Variants in NLRP1 observed in about 807,000 individuals in gnomAD.
NLRP1 encodes NLR family pyrin domain containing 1, also known as NACHT, LRR and PYD domains-containing protein 1.
NLRP1 carries 94 observed loss-of-function variants against 136.7 expected under a neutral mutation model. The observed-to-expected ratio is 0.69, with a 90% confidence interval of 0.58 to 0.82. The LOEUF is 0.82. NLRP1 is among the 40% of genes least tolerant of loss of function. The pLI is 0.00. For missense variants in NLRP1, 1,575 were observed against 1,802.7 expected (o/e 0.87, Z 2.29); for synonymous variants, 690 against 725.1 (o/e 0.95, Z 0.78).
chr17:5,567,535 T>C (rs1915466156), intron 3 of NLRP1, among the ~76,000 whole-genome samples: 1 of 152,098 alleles, frequency 6.6e-6, no homozygotes, highest in African/African-American at 2.4e-5. Flanking sequence ...TCTTGAAAAG[T>C]TGTTGTAGTT....
intron 5 of NLRP1, among the ~76,000 whole-genome samples, chr17:5,549,438 C>T (rs1324234528): frequency 6.6e-6 from 1 of 152,080 alleles, no homozygotes; most frequent in Non-Finnish European, 1.5e-5. Context: ...GCCACCACGC[C>T]CGGCTAATAT....
chr17:5,543,566 T>A (rs1415330199), intron 5 of NLRP1, among the ~76,000 whole-genome samples: 1 of 151,890 alleles, frequency 6.6e-6, no homozygotes, highest in South Asian at 2.1e-4. Flanking sequence ...GGTCTCTGCA[T>A]TGCTTTAGAA....
chr17:5,538,837 G>A (rs1007998084), intron 7 of NLRP1, among the ~76,000 whole-genome samples: 8 of 152,114 alleles, frequency 5.3e-5, no homozygotes, highest in East Asian at 1.9e-4. Context: ...GATCATGCCC[G>A]ACTCTCTTCC....
chr17:5,547,266 C>T (rs1912797250), intron 5 of NLRP1, among the ~76,000 whole-genome samples: 2 of 151,948 alleles, frequency 1.3e-5, no homozygotes, highest in African/African-American at 4.8e-5. Flanking sequence ...CATACATAAC[C>T]CTAAATACAT....
chr17:5,556,197 C>A (rs1196223683), intron 4 of NLRP1, among the ~76,000 whole-genome samples: 1 of 151,554 alleles, frequency 6.6e-6, no homozygotes, highest in Admixed American at 6.6e-5. Context: ...CATCTGTGAT[C>A]CCAGCACTTT....
intron 12 of NLRP1, among the ~76,000 whole-genome samples, chr17:5,523,966 G>A (rs747534639): frequency 6.6e-6 from 1 of 152,102 alleles, no homozygotes; most frequent in African/African-American, 2.4e-5. Context: ...CTCTGTCACC[G>A]AGGCTGGAGT....
intron 5 of NLRP1, among the ~76,000 whole-genome samples, chr17:5,549,584 A>G (rs982571693): frequency 6.6e-6 from 1 of 152,158 alleles, no homozygotes; most frequent in African/African-American, 2.4e-5. Flanking sequence ...CCTGGCCCTA[A>G]TTTTAATATT....
intron 5 of NLRP1, among the ~76,000 whole-genome samples, chr17:5,545,491 GAC>G (rs535148508): frequency 7.0e-4 from 93 of 132,810 alleles, no homozygotes; most frequent in Non-Finnish European, 1.2e-3. Flanking sequence ...CACACACACA[GAC>G]ACACAGACAC....
intron 4 of NLRP1, among the ~76,000 whole-genome samples, chr17:5,555,193 T>A (rs1913897342): frequency 6.6e-6 from 1 of 152,186 alleles, no homozygotes; most frequent in Non-Finnish European, 1.5e-5. Context: ...GAAAAAAAAT[T>A]AAAAATTTAT....
intron 12 of NLRP1, 93 bp downstream of exon 12, chr17:5,530,388 C>T: frequency 1.6e-6 from 2 of 1,218,830 alleles, no homozygotes; most frequent in South Asian, 1.3e-5. Context: ...CTAAGGAAGC[C>T]ACAACACCCT....
At position 5,558,772 on chromosome 17, in the gene NLRP1, C is replaced by T; in HGVS notation, c.1924G>A (p.Gly642Arg). The change falls in exon 4 of 17, where the codon GGG (glycine) becomes AGG (arginine). Residue 642 changes from glycine to arginine, a missense_variant. Gly to Arg is a moderately radical substitution (Grantham distance 125). Transcript: ENST00000572272. The part of the protein sequence containing the change: ...AMSYVLEDEK[G>R]RGKHSNCIID... The stretch of plus-strand genomic sequence containing the variant: ...ATGCAATTAGAATGTTTACCTCTCC[C>T]CTTCTCATCCTCCAAGACATAGGAC... The T allele has an allele frequency of 6.2e-7, 1 of 1,614,118 alleles. No individual in the cohort carries two copies. Among genetic ancestry groups the T allele is most frequent in the Non-Finnish European group, 8.5e-7 (1 of 1,179,996 alleles).
intron 5 of NLRP1, among the ~76,000 whole-genome samples, chr17:5,546,303 G>A (rs972038301): frequency 2.6e-5 from 4 of 152,210 alleles, no homozygotes; most frequent in Non-Finnish European, 4.4e-5. Context: ...CAGAAGGTTA[G>A]TGCTTAAAGG....
At chr17:5,569,804 A>G (rs1364268516) in intron 3 of NLRP1, among the ~76,000 whole-genome samples, 1 of 152,152 alleles carries the variant, frequency 6.6e-6, no homozygotes, top group Non-Finnish European at 1.5e-5. Flanking sequence ...CACCCCAAAC[A>G]ACAGAATATA....
At chr17:5,554,206 G>A (rs1255667589) in intron 4 of NLRP1, among the ~76,000 whole-genome samples, 1 of 152,172 alleles carries the variant, frequency 6.6e-6, no homozygotes, top group African/African-American at 2.4e-5. Context: ...GGAGAGGGAT[G>A]GCTGTGGGGA....
chr17:5,574,809 C>A (rs1904840676), intron 3 of NLRP1, among the ~76,000 whole-genome samples: 1 of 151,778 alleles, frequency 6.6e-6, no homozygotes, highest in Non-Finnish European at 1.5e-5. Context: ...CTATAGGTGC[C>A]CGCCATCACG....
chr17:5,560,205 A>G (rs1914576121), intron 3 of NLRP1, among the ~76,000 whole-genome samples, 162 bp from the exon 4 acceptor site: 3 of 152,238 alleles, frequency 2.0e-5, no homozygotes, highest in Admixed American at 2.0e-4. Flanking sequence ...GCTTTGGGGT[A>G]GAATATCCCA....
At chr17:5,532,162 G>T (rs145799407) in intron 11 of NLRP1, among the ~76,000 whole-genome samples, 1,773 of 152,290 alleles carry the variant, frequency 0.012, 9 homozygotes, top group Middle Eastern at 0.027. Flanking sequence ...CTGGAGAATC[G>T]CTTGAACCTG....
At chr17:5,547,991 C>T (rs1912891123) in intron 5 of NLRP1, among the ~76,000 whole-genome samples, 1 of 152,092 alleles carries the variant, frequency 6.6e-6, no homozygotes, top group African/African-American at 2.4e-5. Flanking sequence ...ACCCTCTGAC[C>T]TTCCATCACA....
At position 5,521,010 on chromosome 17, in the gene NLRP1, G is replaced by A; in HGVS notation, c.3786C>T (p.Ala1262=). Residue 1262 remains alanine (A), a splice_region_variant and synonymous_variant, in exon 14 of 17, where the codon GCC becomes GCT. Transcript: ENST00000572272. ...GGAATTTCATTTCTAGATCATCTATGGCCTACAGAACATAGGGAACAATGA... is the reference window on the plus strand; with the variant it reads ...GGAATTTCATTTCTAGATCATCTATAGCCTACAGAACATAGGGAACAATGA... ...LIPSDCSIRK[A]IDDLEMKFQF... 1 of 1,605,778 alleles carries A rather than the reference G, an allele frequency of 6.2e-7. No individual in the cohort carries two copies. The highest frequency in any genetic ancestry group is 8.5e-7 in the Non-Finnish European group (1 of 1,175,642).
Sources: allele counts gnomAD v4.1 joint callset (sites outside exome capture counted in the v4.1 genomes callset), GRCh38; gene constraint gnomAD v4.1.1; transcripts MANE v1.5; gene names NCBI Gene and HGNC (gene_info 2026-07-23, HGNC 2026-07-21).